STK17A: variants seen among roughly 807,000 people sequenced by gnomAD.
The protein encoded by STK17A is serine/threonine kinase 17a, also known as serine/threonine-protein kinase 17A.
A neutral mutation model predicts 43.7 loss-of-function variants in STK17A; 26 were observed. The ratio of observed to expected loss-of-function variants is 0.60; its 90% CI spans 0.44 to 0.83. The LOEUF (loss-of-function observed/expected upper bound fraction) is 0.83. STK17A is among the 40% of genes least tolerant of loss of function. The pLI is 0.00. For synonymous variants in STK17A, 191 were observed against 182.5 expected, an observed-to-expected ratio of 1.05 and a Z score of -0.38; for missense variants, 476 against 511.6, an observed-to-expected ratio of 0.93 and a Z score of 0.67.
chr7:43,625,038 A>G lies in STK17A; in HGVS notation c.*196A>G. ...TTGCCAACCAGGAGATTTAACAGGT[A>G]CAGTTACCCGTTTCAATGTTATTTT... On this transcript the variant is annotated 3_prime_UTR_variant, in exon 7 of 7. Coordinates refer to ENST00000319357, the MANE Select transcript of STK17A (RefSeq NM_004760.3). 1 of 434,654 alleles carries G rather than the reference A, an allele frequency of 2.3e-6. No individual in the cohort carries two copies. 26.9% of individuals were successfully genotyped at this position (434,654 alleles called of 1,614,324 possible).
chr7:43,597,032 G>T (rs899866704), intron 2 of STK17A, among the ~76,000 whole-genome samples: 60 of 151,874 alleles, frequency 4.0e-4, no homozygotes, highest in African/African-American at 1.4e-3. Context: ...AAACAAAAAA[G>T]ACTTAATACA....
intron 4 of STK17A, among the ~76,000 whole-genome samples, chr7:43,620,168 A>C (rs1382189028): frequency 6.6e-6 from 1 of 152,238 alleles, no homozygotes; most frequent in Non-Finnish European, 1.5e-5. Context: ...TCTGGCAGAA[A>C]GAAAAAGGAG....
intron 3 of STK17A, among the ~76,000 whole-genome samples, chr7:43,614,303 T>C (rs922979813): frequency 2.0e-5 from 3 of 152,226 alleles, no homozygotes; most frequent in African/African-American, 7.2e-5. Context: ...TCCACTGTTA[T>C]CACCTCTCTA....
intron 3 of STK17A, among the ~76,000 whole-genome samples, chr7:43,616,732 C>A (rs540958948): frequency 6.6e-6 from 1 of 152,234 alleles, no homozygotes; most frequent in South Asian, 2.1e-4. Flanking sequence ...CCCGTCTCTA[C>A]TAAAAATACA....
chr7:43,587,805 T>G (rs1563142484), intron 1 of STK17A, among the ~76,000 whole-genome samples: 1 of 151,598 alleles, frequency 6.6e-6, no homozygotes, highest in Non-Finnish European at 1.5e-5. Context: ...TTTGGATAGA[T>G]AAAAGAAAAT....
chr7:43,583,427 T>C lies in STK17A; in HGVS notation c.184T>C (p.Cys62Arg), dbSNP rs1226614191. 4 of 1,379,212 alleles carry C rather than the reference T, an allele frequency of 2.9e-6. No individual in the cohort carries two copies. Among genetic ancestry groups the C allele is most frequent in the Non-Finnish European group, 3.7e-6 (4 of 1,067,024 alleles). The allele number at this position is 1,379,212 out of a possible 1,614,324, so 85.4% of individuals were successfully genotyped here. ...GCCCTTCCAGGACGGCTACAGCCTG[T>C]GCCCGGGCCGGGAGCTGGGCAGGTG... Reference protein sequence around the residue: ...TEPFQDGYSLCPGRELGRGKF... With the variant: ...TEPFQDGYSLRPGRELGRGKF... The change falls in exon 1 of 7, where the codon TGC (cysteine) becomes CGC (arginine). Residue 62 changes from cysteine (C) to arginine (R), a missense_variant. Around this residue, in one of 3 missense-constraint regions of STK17A, gnomAD observed 320 missense variants for 326.3 expected, o/e 0.98. Coordinates refer to ENST00000319357, the MANE Select transcript of STK17A (RefSeq NM_004760.3).
chr7:43,616,460 A>C (rs1291492608), intron 3 of STK17A, among the ~76,000 whole-genome samples: 1 of 152,222 alleles, frequency 6.6e-6, no homozygotes, highest in African/African-American at 2.4e-5. Context: ...GTGACAAAAG[A>C]GTAATCAGTA....
intron 2 of STK17A, among the ~76,000 whole-genome samples, chr7:43,601,647 C>T (rs927957589): frequency 2.6e-5 from 4 of 152,100 alleles, no homozygotes; most frequent in Non-Finnish European, 4.4e-5. Context: ...TCCTTCTCCT[C>T]TTTAGTAGTT....
chr7:43,597,193 C>T (rs574316723), intron 2 of STK17A, among the ~76,000 whole-genome samples: 4 of 151,932 alleles, frequency 2.6e-5, no homozygotes, highest in South Asian at 2.1e-4. Context: ...GGGTTTGGAC[C>T]GTAATCCCAA....
chr7:43,587,729 A>G (rs2082453217), intron 1 of STK17A, among the ~76,000 whole-genome samples: 1 of 151,574 alleles, frequency 6.6e-6, no homozygotes, highest in Non-Finnish European at 1.5e-5. Context: ...GTTATTTAAG[A>G]TTTCTTGACA....
chr7:43,606,081 T>C (rs34789705), intron 2 of STK17A, among the ~76,000 whole-genome samples: 22,266 of 152,038 alleles, frequency 0.15, 2,170 homozygotes, highest in Non-Finnish European at 0.21. Context: ...TCATTTAATA[T>C]ATAATTTCAC....
At position 43,583,288 on chromosome 7, in the gene STK17A, C is replaced by T. The variant is rs1219066033; in HGVS notation, c.45C>T (p.Gly15=). ...CAGGCAGCGGCGGCTCCTCCCCAGG[C>T]GCCACCTCAGGCTCGGGCCGGGCAG... The part of the protein sequence containing the change: ...EKPGSGGSSP[G]ATSGSGRAGR... The change falls in exon 1 of 7, where the codon GGC becomes GGT. Residue 15 remains glycine (G), a synonymous_variant. Transcript: ENST00000319357. The T allele has an allele frequency of 3.2e-6, 5 of 1,542,156 alleles. 1 individual carries two copies. The highest frequency in any genetic ancestry group is 2.4e-5 in the South Asian group (2 of 84,244).
At chr7:43,598,823 G>T (rs1485787681) in intron 2 of STK17A, among the ~76,000 whole-genome samples, 2 of 151,858 alleles carry the variant, frequency 1.3e-5, no homozygotes, top group Non-Finnish European at 2.9e-5. Context: ...GAGTGCAGTG[G>T]CATGATCTCG....
chr7:43,605,746 C>T (rs971306570), intron 2 of STK17A, among the ~76,000 whole-genome samples: 20 of 151,970 alleles, frequency 1.3e-4, no homozygotes, highest in African/African-American at 4.8e-4. Flanking sequence ...CCTTTTCTCA[C>T]AGCTCATGGT....
In STK17A at chr7:43,608,295, C is replaced by G. The variant is rs1307042172; in HGVS notation, c.459C>G (p.Asp153Glu). The G allele has an allele frequency of 1.2e-6, 2 of 1,613,958 alleles. No homozygotes were observed. Among genetic ancestry groups the G allele is most frequent in the South Asian group, 1.1e-5 (1 of 91,060 alleles). ...AAATCTTTGACCAGTGTGTTGCAGA[C>G]AGAGAAGAAGCCTTTAAAGAAAAAG... ...GGEIFDQCVA[D>E]REEAFKEKDV... The change falls in exon 3 of 7, where the codon GAC (aspartate) becomes GAG (glutamate). Residue 153 changes from aspartate to glutamate, a missense_variant. By Grantham distance (45) the Asp-to-Glu change is conservative (BLOSUM62 2). Coordinates refer to ENST00000319357, the MANE Select transcript of STK17A (RefSeq NM_004760.3).
At chr7:43,606,243 T>C (rs961895197) in intron 2 of STK17A, among the ~76,000 whole-genome samples, 1 of 152,140 alleles carries the variant, frequency 6.6e-6, no homozygotes, top group Non-Finnish European at 1.5e-5. Flanking sequence ...GTTTGTTGAA[T>C]TTGAATAATG....
chr7:43,606,916 C>CTT (rs71011933), intron 2 of STK17A, among the ~76,000 whole-genome samples: 1,443 of 62,360 alleles, frequency 0.023, 14 homozygotes, highest in African/African-American at 0.046. Context: ...TTTCGATTTT[C>CTT]TTTTTTTTTT....
Position 43,623,729 on chromosome 7 carries a change from AT to A in STK17A, c.762del (p.Tyr254Ter), listed in dbSNP as rs764485008. The part of the protein sequence containing the change: ...TDMWSIGVLT[Y>X]VMLTGISPFL... The stretch of plus-strand genomic sequence containing the variant: ...TTTAGGAGCATTGGAGTGTTAACAT[AT>A]GTCATGCTTACAGGAATATCACCTT... On this transcript the variant is annotated frameshift_variant, in exon 6 of 7. Transcript: ENST00000319357. LOFTEE classifies it high-confidence loss of function. 6.2e-7 allele frequency: 1 copy of A among 1,607,338 alleles called. No homozygotes were observed. Among genetic ancestry groups the A allele is most frequent in the East Asian group, 2.2e-5 (1 of 44,634 alleles).
At chr7:43,618,722 G>T (rs1486751440) in intron 3 of STK17A, among the ~76,000 whole-genome samples, 1 of 152,044 alleles carries the variant, frequency 6.6e-6, no homozygotes, top group Non-Finnish European at 1.5e-5. Context: ...TTTCCACTGG[G>T]TAAAAATGAC....
Sources: gnomAD v4.1 joint callset for allele counts (sites outside exome capture counted in the v4.1 genomes callset) on GRCh38, gnomAD v4.1.1 for gene constraint, gnomAD v4.1.1 regional missense constraint, MANE v1.5 for transcripts, NCBI Gene and HGNC (gene_info 2026-07-23, HGNC 2026-07-21) for gene names.